MOB1B: variants seen among roughly 807,000 people sequenced by gnomAD.
The protein encoded by MOB1B is MOB kinase activator 1B, also known as MOB1 Mps One Binder homolog B.
Under a neutral mutation model 24.4 loss-of-function variants are expected in MOB1B, and 19 were observed. The ratio of observed to expected loss-of-function variants is 0.78; its 90% CI spans 0.54 to 1.14. MOB1B has a LOEUF of 1.14. Among genes scored for constraint, MOB1B ranks in the 50% most tolerant of loss-of-function variants. The pLI is 0.00. For missense variants in MOB1B, 243 were observed against 259.6 expected (o/e 0.94, Z 0.44); for synonymous variants, 76 against 82.1 (o/e 0.93, Z 0.40).
At chr4:70,967,898 G>T (rs1282888833) in intron 2 of MOB1B, among the ~76,000 whole-genome samples, 1 of 151,934 alleles carries the variant, frequency 6.6e-6, no homozygotes, top group African/African-American at 2.4e-5. Flanking sequence ...ATGATATCAT[G>T]GCTCACTGCA....
chr4:70,979,387 G>T, intron 5 of MOB1B, 96 bp downstream of exon 5: 1 of 953,984 alleles, frequency 1.0e-6, no homozygotes, highest in African/African-American at 1.6e-5. Flanking sequence ...GATGGAATTT[G>T]CCATATCTCT....
rs946523802 is a variant in MOB1B, at chr4:70,982,063, T to A, written c.*6T>A. On this transcript the variant is annotated 3_prime_UTR_variant, in exon 6 of 6. Transcript: ENST00000309395. The stretch of plus-strand genomic sequence containing the variant: ...TCACCTCAAAAGACAGATAAAAGGA[T>A]GCAGAGCTGTGCAAATTGTTCCTCA... The A allele has an allele frequency of 6.3e-7, 1 of 1,593,128 alleles. No individual in the cohort carries two copies. The highest frequency in any genetic ancestry group is 1.3e-5 in the African/African-American group (1 of 74,436).
At chr4:70,980,756 T>C (rs1260321604) in intron 5 of MOB1B, among the ~76,000 whole-genome samples, 1 of 152,174 alleles carries the variant, frequency 6.6e-6, no homozygotes, top group Non-Finnish European at 1.5e-5. Flanking sequence ...AGGGTCTCCA[T>C]GCATCTTTTT....
intron 1 of MOB1B, 108 bp from the exon 2 acceptor site, chr4:70,958,766 A>G (rs1009199135): frequency 2.1e-5 from 21 of 1,005,430 alleles, no homozygotes; most frequent in African/African-American, 6.3e-5. Context: ...CAGCAATTCT[A>G]TTGCTGGGAT....
At chr4:70,967,424 G>A (rs915100190) in intron 2 of MOB1B, among the ~76,000 whole-genome samples, 7 of 151,824 alleles carry the variant, frequency 4.6e-5, no homozygotes, top group Admixed American at 6.6e-5. Context: ...GTGAGCCACC[G>A]CACCCAGCCA....
chr4:70,941,352 A>T (rs1737329123), intron 1 of MOB1B, among the ~76,000 whole-genome samples: 1 of 151,622 alleles, frequency 6.6e-6, no homozygotes, highest in Non-Finnish European at 1.5e-5. Flanking sequence ...TTATTTATTT[A>T]TTTTTTTGAG....
chr4:70,940,100 G>A (rs1474389442), intron 1 of MOB1B, among the ~76,000 whole-genome samples: 1 of 151,728 alleles, frequency 6.6e-6, no homozygotes, highest in Admixed American at 6.6e-5. Flanking sequence ...AGCCGCTTTT[G>A]TCTTCTTCCG....
rs1739296907 is a variant in MOB1B, at chr4:70,983,870, GC to G, written c.*1814del. 1 of 152,550 alleles carries G rather than the reference GC, an allele frequency of 6.6e-6. No individual in the cohort carries two copies. The highest frequency in any genetic ancestry group is 2.1e-4 in the South Asian group (1 of 4,832). 9.4% of individuals were successfully genotyped at this position (152,550 alleles called of 1,614,324 possible). A position where few individuals can be genotyped will look rare whatever the true frequency, so the allele number is the denominator to read the frequency against. ...TATTGGTAAAGCTTATTTATAAACT[GC>G]AGTCAGAGCTAGTTAATTTCCTTAA... On this transcript the variant is annotated 3_prime_UTR_variant, in exon 6 of 6. Transcript: ENST00000309395.
intron 2 of MOB1B, among the ~76,000 whole-genome samples, chr4:70,968,398 G>C (rs762786031): frequency 6.6e-6 from 1 of 151,924 alleles, no homozygotes. Context: ...TGCAACCTCC[G>C]CCTCCCAGGT....
At chr4:70,976,511 T>C in intron 4 of MOB1B, 1 of 985,254 alleles carries the variant, frequency 1.0e-6, no homozygotes, top group Non-Finnish European at 1.2e-6. Context: ...CAAGTAGAAA[T>C]TGTTTACGTT....
chr4:70,932,218 A>G (rs76399896), intron 1 of MOB1B, among the ~76,000 whole-genome samples: 1,638 of 152,216 alleles, frequency 0.011, 28 homozygotes, highest in African/African-American at 0.038. Context: ...TATATATATA[A>G]TTTAATTTTC....
intron 1 of MOB1B, chr4:70,950,750 G>A (rs989133575): frequency 3.9e-6 from 6 of 1,533,620 alleles, no homozygotes; most frequent in African/African-American, 1.4e-5. Flanking sequence ...AGTATTTATC[G>A]AATACCTGAT....
At chr4:70,973,543 G>A (rs28668618) in intron 3 of MOB1B, among the ~76,000 whole-genome samples, 15,989 of 151,426 alleles carry the variant, frequency 0.11, 1,855 homozygotes, top group African/African-American at 0.29. Context: ...CTCCTAAGAG[G>A]AGCAAACAAG....
chr4:70,969,702 A>G (rs1323106923), intron 2 of MOB1B, among the ~76,000 whole-genome samples: 3 of 152,098 alleles, frequency 2.0e-5, no homozygotes, highest in Admixed American at 2.0e-4. Flanking sequence ...TGTTGTTTGT[A>G]TGCGTTGCAA....
At chr4:70,966,357 C>CG (rs1259166795) in intron 2 of MOB1B, among the ~76,000 whole-genome samples, 1 of 149,578 alleles carries the variant, frequency 6.7e-6, no homozygotes, top group Non-Finnish European at 1.5e-5. Flanking sequence ...TCAGCCTAGG[C>CG]AATATAGTGA....
Position 70,905,756 on chromosome 4 carries a change from C to T in MOB1B, c.14+3206C>T, listed in dbSNP as rs141403649. On this transcript the variant is annotated intron_variant, in intron 1 of 5. Coordinates refer to ENST00000309395, the MANE Select transcript of MOB1B (RefSeq NM_173468.4). ...GCTCTAAGATAGAAGGAAAGAACTA[C>T]TACTGATTTTTAAAAGATGCACTGT... 2.4e-4 allele frequency among the ~76,000 whole-genome samples: 36 copies of T among 152,132 alleles called. No homozygotes were observed. In the East Asian group the frequency reaches 5.6e-3, roughly 24 times the overall value.
chr4:70,976,753 CAT>C (rs376072053), intron 4 of MOB1B: 5,323 of 183,030 alleles, frequency 0.029, 136 homozygotes, highest in African/African-American at 0.059. Context: ...GACTGAATTA[CAT>C]ATATATATAT....
intron 1 of MOB1B, among the ~76,000 whole-genome samples, chr4:70,957,431 TCTC>T (rs1330003513): frequency 1.3e-5 from 2 of 150,144 alleles, no homozygotes; most frequent in African/African-American, 4.9e-5. Flanking sequence ...TCGCTCTCTC[TCTC>T]TTTTTTTTTT....
chr4:70,956,074 G>A (rs1192157440), intron 1 of MOB1B, among the ~76,000 whole-genome samples: 4 of 151,860 alleles, frequency 2.6e-5, no homozygotes, highest in Non-Finnish European at 5.9e-5. Flanking sequence ...GATGCTGGGA[G>A]CAAATTTGGT....
Sources: gnomAD v4.1 joint callset for allele counts (sites outside exome capture counted in the v4.1 genomes callset) on GRCh38, gnomAD v4.1.1 for gene constraint, MANE v1.5 for transcripts, NCBI Gene and HGNC (gene_info 2026-07-23, HGNC 2026-07-21) for gene names.